Variants in MFAP3L observed in about 807,000 individuals in gnomAD.
MFAP3L encodes the protein microfibril associated protein 3 like, also known as microfibrillar-associated protein 3-like.
A neutral mutation model predicts 20.0 loss-of-function variants in MFAP3L; 5 were observed. That is an observed-to-expected ratio of 0.25 (90% CI 0.13 to 0.53). The LOEUF (loss-of-function observed/expected upper bound fraction) is 0.53. Among genes scored for constraint, MFAP3L ranks in the 20% least tolerant of loss-of-function variants. The pLI, the probability that MFAP3L is intolerant of heterozygous loss-of-function variation, is 0.96. For synonymous variants in MFAP3L, 219 were observed against 213.0 expected, an observed-to-expected ratio of 1.03 and a Z score of -0.25; for missense variants, 409 against 527.5, an observed-to-expected ratio of 0.78 and a Z score of 2.20.
intron 1 of MFAP3L, among the ~76,000 whole-genome samples, chr4:170,013,801 A>T (rs1033630559): frequency 2.0e-5 from 3 of 152,214 alleles, no homozygotes; most frequent in Non-Finnish European, 4.4e-5. Context: ...ATTCATTCAT[A>T]TATTAAGATA....
Position 169,991,281 on chromosome 4 carries a change from G to A in MFAP3L, c.*97C>T. The A allele has an allele frequency of 7.8e-7, 1 of 1,288,204 alleles. No homozygotes were observed. The highest frequency in any genetic ancestry group is 1.1e-6 in the Non-Finnish European group (1 of 933,956). 79.8% of individuals were successfully genotyped at this position (1,288,204 alleles called of 1,614,324 possible). The stretch of plus-strand genomic sequence containing the variant: ...CATCACTCCTACCTAAGGGATGAGA[G>A]TCTCCTGGTAAGGCTTAGCGGCAAG... On this transcript the variant is annotated 3_prime_UTR_variant, in exon 3 of 3. Coordinates refer to ENST00000361618, the MANE Select transcript of MFAP3L (RefSeq NM_021647.8). This position sits in a 1 kb window ranked among gnomAD's most constrained non-coding sequence, Gnocchi z 4.9.
chr4:170,002,269 C>T lies in MFAP3L; in HGVS notation c.298+3311G>A, dbSNP rs115813983. ...GGGGCACAGAGGGAGAATGAATACC[C>T]GCTGGCCACACTCTGGTTGTGTCAT... On this transcript the variant is annotated intron_variant, in intron 2 of 2. Coordinates refer to ENST00000361618, the MANE Select transcript of MFAP3L (RefSeq NM_021647.8). 1.9e-3 allele frequency: 1,828 copies of T among 985,084 alleles called. 30 individuals are homozygous for T. In the African/African-American group the frequency reaches 0.029, roughly 16 times the overall value. 61.0% of individuals were successfully genotyped at this position (985,084 alleles called of 1,614,324 possible).
At chr4:170,023,158 C>T (rs966720413) in intron 1 of MFAP3L, among the ~76,000 whole-genome samples, 1 of 152,180 alleles carries the variant, frequency 6.6e-6, no homozygotes, top group Non-Finnish European at 1.5e-5. Flanking sequence ...AGGTCCTCTC[C>T]TCCTCCAATC....
rs1739758643 is a variant in MFAP3L at position 170,017,298 on chromosome 4, ACAGAT to A, written c.-134+8931_-134+8935del. 7.2e-5 allele frequency among the ~76,000 whole-genome samples: 11 copies of A among 152,248 alleles called. No homozygotes were observed. The South Asian group carries it at 2.3e-3, about 32-fold the overall frequency. ...ACTAAGAACTGGATCTCGGTGAAAA[ACAGAT>A]CAGAAGAGATCCTGTAATTCAAACC... On this transcript the variant is annotated intron_variant, in intron 1 of 2. Transcript: ENST00000361618.
Position 169,996,190 on chromosome 4 carries a change from C to T in MFAP3L, c.299-3881G>A, listed in dbSNP as rs542227203. Among the ~76,000 whole-genome samples the T allele has an allele frequency of 3.6e-5, 5 of 137,762 alleles. No homozygotes were observed. The South Asian group carries it at 6.2e-4, about 17-fold the overall frequency. The allele number at this position is 137,762 out of a possible 152,430, so 90.4% of individuals were successfully genotyped here. On this transcript the variant is annotated intron_variant, in intron 2 of 2. Coordinates refer to ENST00000361618, the MANE Select transcript of MFAP3L (RefSeq NM_021647.8). ...GCCAGGGACCTGTCACAGTCTTCCCCAAGAAACTCCAGGCACACGAGTTAA... is the reference window on the plus strand; with the variant it reads ...GCCAGGGACCTGTCACAGTCTTCCCTAAGAAACTCCAGGCACACGAGTTAA...
At position 170,017,939 on chromosome 4, in the gene MFAP3L, A is replaced by T. The variant is rs140270271; in HGVS notation, c.-134+8295T>A. 3.9e-5 allele frequency among the ~76,000 whole-genome samples: 6 copies of T among 152,324 alleles called. No homozygotes were observed. The East Asian group carries it at 1.2e-3, about 29-fold the overall frequency. On this transcript the variant is annotated intron_variant, in intron 1 of 2. Transcript: ENST00000361618. ...TCACCTTTATCTAAGTGATAAACACAATTAGGAGCCAGTCATATCAATTAA... is the reference window on the plus strand; with the variant it reads ...TCACCTTTATCTAAGTGATAAACACTATTAGGAGCCAGTCATATCAATTAA...
chr4:170,016,381 A>G (rs926333673), intron 1 of MFAP3L, among the ~76,000 whole-genome samples: 2 of 152,064 alleles, frequency 1.3e-5, no homozygotes, highest in African/African-American at 4.8e-5. Flanking sequence ...GCATCCTTGA[A>G]CTTACTATTC....
intron 2 of MFAP3L, chr4:170,003,851 G>C: frequency 1.0e-6 from 1 of 985,456 alleles, no homozygotes; most frequent in South Asian, 4.7e-5. Flanking sequence ...TGACATCACT[G>C]CCTTCTGACT....
At chr4:169,995,773 G>A (rs1738108641) in intron 2 of MFAP3L, among the ~76,000 whole-genome samples, 2 of 152,192 alleles carry the variant, frequency 1.3e-5, no homozygotes. Flanking sequence ...CTGTAACTGA[G>A]TGGGTATGTC....
intron 2 of MFAP3L, among the ~76,000 whole-genome samples, chr4:170,000,597 G>C (rs987720945): frequency 6.6e-6 from 1 of 152,168 alleles, no homozygotes; most frequent in African/African-American, 2.4e-5. Context: ...GTTGAGAAAA[G>C]TCAAAGAACT....
intron 2 of MFAP3L, among the ~76,000 whole-genome samples, chr4:170,002,949 T>A (rs1396864002): frequency 2.0e-5 from 3 of 152,132 alleles, no homozygotes; most frequent in African/African-American, 7.2e-5. Context: ...ATATGGACAT[T>A]TCCCCCTTCA....
At chr4:170,001,722 A>G (rs1418114712) in intron 2 of MFAP3L, among the ~76,000 whole-genome samples, 1 of 152,186 alleles carries the variant, frequency 6.6e-6, no homozygotes, top group Non-Finnish European at 1.5e-5. Context: ...TTTCGTGGCC[A>G]TTTGTGGTTA....
chr4:170,026,392 G>T lies in MFAP3L; in HGVS notation c.-292C>A. On this transcript the variant is annotated 5_prime_UTR_variant, in exon 1 of 3. Transcript: ENST00000361618. ...TCACAGCGTTGCGAGCTGCGCCGCC[G>T]GCTGCCGGGAGCGCGGAGCTTCCCA... The T allele has an allele frequency of 1.5e-6, 1 of 671,400 alleles. No homozygotes were observed. The highest frequency in any genetic ancestry group is 1.8e-6 in the Non-Finnish European group (1 of 544,190). The allele number at this position is 671,400 out of a possible 1,614,324, so 41.6% of individuals were successfully genotyped here.
rs1429233676 is a variant in MFAP3L at position 169,988,926 on chromosome 4, T to A, written c.*2452A>T. 1.3e-5 allele frequency: 2 copies of A among 152,184 alleles called. No individual in the cohort carries two copies. Among genetic ancestry groups the A allele is most frequent in the Non-Finnish European group, 2.9e-5 (2 of 68,026 alleles). 9.4% of individuals were successfully genotyped at this position (152,184 alleles called of 1,614,324 possible). On this transcript the variant is annotated 3_prime_UTR_variant, in exon 3 of 3. Transcript: ENST00000361618. ...GAAAATCTGCCCACTTTTAGCTTAT[T>A]ATCACTATTCAATGTCTAGGTGGAA...
intron 2 of MFAP3L, among the ~76,000 whole-genome samples, chr4:170,004,506 C>T (rs1402855282): frequency 6.6e-6 from 1 of 152,180 alleles, no homozygotes; most frequent in Non-Finnish European, 1.5e-5. Flanking sequence ...ACCCCACATC[C>T]TGGCCAATTA....
At position 170,018,212 on chromosome 4, in the gene MFAP3L, G is replaced by A. The variant is rs182392644; in HGVS notation, c.-134+8022C>T. 1.0e-3 allele frequency among the ~76,000 whole-genome samples: 158 copies of A among 152,300 alleles called. 1 individual carries two copies. The highest frequency in any genetic ancestry group is 0.01 in the Middle Eastern group (3 of 294). On this transcript the variant is annotated intron_variant, in intron 1 of 2. Coordinates refer to ENST00000361618, the MANE Select transcript of MFAP3L (RefSeq NM_021647.8). ...AAGACCTGAAGGATGAATAAAAGGA[G>A]ACCAGACAGTTCTCCTAGCAGGAGT...
chr4:170,026,668 C>T (rs574656114), upstream of MFAP3L, among the ~76,000 whole-genome samples: 8 of 152,268 alleles, frequency 5.3e-5, no homozygotes, highest in African/African-American at 1.7e-4. Context: ...CCCCAGAGCC[C>T]CACACCCGCA....
intron 1 of MFAP3L, among the ~76,000 whole-genome samples, chr4:170,014,117 G>A (rs1488199775): frequency 6.6e-6 from 1 of 152,164 alleles, no homozygotes; most frequent in Non-Finnish European, 1.5e-5. Flanking sequence ...TGGTACAGAA[G>A]CATCTCTAGC....
chr4:170,000,033 C>T (rs1738502020), intron 2 of MFAP3L, among the ~76,000 whole-genome samples: 1 of 152,176 alleles, frequency 6.6e-6, no homozygotes, highest in South Asian at 2.1e-4. Context: ...CCAGACTTGG[C>T]CACGTGTCCT....
Sources: gnomAD v4.1 joint callset for allele counts (sites outside exome capture counted in the v4.1 genomes callset) on GRCh38, gnomAD v4.1.1 for gene constraint, Gnocchi (gnomAD v3.1) non-coding constraint, MANE v1.5 for transcripts, NCBI Gene and HGNC (gene_info 2026-07-23, HGNC 2026-07-21) for gene names.